CCDC149: variants seen among roughly 807,000 people sequenced by gnomAD.
CCDC149 encodes the protein coiled-coil domain-containing protein 149.
CCDC149 carries 45 observed loss-of-function variants against 59.9 expected under a neutral mutation model. That is an observed-to-expected ratio of 0.75 (90% CI 0.59 to 0.96). The LOEUF is 0.96. Among genes scored for constraint, CCDC149 ranks in the 40% least tolerant of loss-of-function variants. CCDC149 has a pLI of 0.00. For synonymous variants in CCDC149, 245 were observed against 260.6 expected (o/e 0.94, Z 0.58); for missense variants, 584 against 664.7 (o/e 0.88, Z 1.33).
chr4:24,835,819 A>C (rs900463104), intron 7 of CCDC149, among the ~76,000 whole-genome samples: 1 of 152,102 alleles, frequency 6.6e-6, no homozygotes, highest in Non-Finnish European at 1.5e-5. Flanking sequence ...TCAGGAAGAG[A>C]AATCAATCTA....
intron 1 of CCDC149, among the ~76,000 whole-genome samples, chr4:24,878,216 TAAAAA>T (rs66494953): frequency 2.4e-5 from 3 of 125,148 alleles, no homozygotes; most frequent in Non-Finnish European, 1.6e-5. Flanking sequence ...TTTTTTTTCC[TAAAAA>T]AAAAAAAAAA....
At chr4:24,904,362 AGTTATCTG>A (rs1461286172) in intron 1 of CCDC149, among the ~76,000 whole-genome samples, 1 of 152,154 alleles carries the variant, frequency 6.6e-6, no homozygotes, top group East Asian at 1.9e-4. Context: ...CCCCTAAATG[AGTTATCTG>A]GTTGTGGCTG....
At chr4:24,864,120 C>T (rs1474462682) in intron 3 of CCDC149, among the ~76,000 whole-genome samples, 5 of 152,144 alleles carry the variant, frequency 3.3e-5, no homozygotes, top group Non-Finnish European at 7.3e-5. Flanking sequence ...CGGCGTGGGC[C>T]GGGCTAACTT....
intron 1 of CCDC149, among the ~76,000 whole-genome samples, chr4:24,920,437 T>C (rs1722254019): frequency 6.6e-6 from 1 of 152,220 alleles, no homozygotes; most frequent in African/African-American, 2.4e-5. Flanking sequence ...GACAGCTTGG[T>C]TCCCAGTAGG....
chr4:24,889,954 G>T (rs557128209), intron 1 of CCDC149, among the ~76,000 whole-genome samples: 1 of 152,122 alleles, frequency 6.6e-6, no homozygotes, highest in African/African-American at 2.4e-5. Flanking sequence ...ACCTGTAATC[G>T]TGCTTCCACT....
chr4:24,840,670 G>A (rs1211034963), intron 4 of CCDC149, among the ~76,000 whole-genome samples: 3 of 152,102 alleles, frequency 2.0e-5, no homozygotes, highest in African/African-American at 7.2e-5. Flanking sequence ...CACGCATAGT[G>A]CCAAAGTGCT....
At chr4:24,917,976 TCTGA>T (rs1722181408), upstream of CCDC149, among the ~76,000 whole-genome samples, 1 of 151,752 alleles carries the variant, frequency 6.6e-6, no homozygotes, top group Admixed American at 6.6e-5. Flanking sequence ...AATAGAAACG[TCTGA>T]CTTGGGGGTC....
chr4:24,844,934 G>A (rs1180699658), intron 4 of CCDC149, among the ~76,000 whole-genome samples: 1 of 152,070 alleles, frequency 6.6e-6, no homozygotes, highest in Non-Finnish European at 1.5e-5. Flanking sequence ...AAGCACCCTT[G>A]GCAGGTATTG....
chr4:24,848,544 G>C (rs563675245), intron 4 of CCDC149, among the ~76,000 whole-genome samples: 10 of 151,740 alleles, frequency 6.6e-5, no homozygotes, highest in Non-Finnish European at 8.8e-5. Context: ...GCTCCAGCCT[G>C]GTGACAGAGT....
intron 1 of CCDC149, among the ~76,000 whole-genome samples, chr4:24,899,999 T>C (rs1721076001): frequency 6.6e-6 from 1 of 152,128 alleles, no homozygotes; most frequent in African/African-American, 2.4e-5. Flanking sequence ...ACATCTCCAT[T>C]TGCTGAAATT....
intron 1 of CCDC149, among the ~76,000 whole-genome samples, chr4:24,882,880 AAC>A (rs1719930294): frequency 6.6e-6 from 1 of 152,210 alleles, no homozygotes; most frequent in Non-Finnish European, 1.5e-5. Context: ...ACTAAAATCA[AAC>A]CTTTCTCCAA....
chr4:24,928,705 G>A (rs1419832686), intron 1 of CCDC149, among the ~76,000 whole-genome samples: 3 of 152,076 alleles, frequency 2.0e-5, no homozygotes, highest in Non-Finnish European at 2.9e-5. Context: ...GTTGTTTTCA[G>A]CCACTGAGTT....
chr4:24,885,545 C>A (rs2109270848), intron 1 of CCDC149, among the ~76,000 whole-genome samples: 1 of 152,344 alleles, frequency 6.6e-6, no homozygotes, highest in East Asian at 1.9e-4. Context: ...TCAGCCTCCG[C>A]CGTGACGGCT....
chr4:24,885,473 C>T (rs1245982005), intron 1 of CCDC149, among the ~76,000 whole-genome samples: 2 of 152,138 alleles, frequency 1.3e-5, no homozygotes, highest in African/African-American at 4.8e-5. Flanking sequence ...TCTGTGATCA[C>T]GGTGTCTAAT....
intron 4 of CCDC149, among the ~76,000 whole-genome samples, chr4:24,846,545 C>CTTT (rs1717300705): frequency 6.6e-6 from 1 of 152,198 alleles, no homozygotes; most frequent in Non-Finnish European, 1.5e-5. Flanking sequence ...CTTGCACACT[C>CTTT]ATTGGTCTGT....
intron 1 of CCDC149, among the ~76,000 whole-genome samples, chr4:24,959,167 T>G (rs28689025): frequency 0.75 from 114,668 of 151,950 alleles, 43,484 homozygotes; most frequent in African/African-American, 0.79. Flanking sequence ...GTGGAGATGG[T>G]GTTTCACCAT....
chr4:24,806,824 A>G lies in CCDC149; in HGVS notation c.*1565T>C, dbSNP rs1264342018. The G allele has an allele frequency of 6.5e-6, 1 of 153,348 alleles. No homozygotes were observed. Among genetic ancestry groups the G allele is most frequent in the Non-Finnish European group, 1.5e-5 (1 of 68,088 alleles). The allele number at this position is 153,348 out of a possible 1,614,324, so 9.5% of individuals were successfully genotyped here. A position where few individuals can be genotyped will look rare whatever the true frequency, so the allele number is the denominator to read the frequency against. On this transcript the variant is annotated 3_prime_UTR_variant, in exon 13 of 13. Transcript: ENST00000635206. ...ACTCCAGCATGCTCCCATTTCAACT[A>G]AAGTAGTGGGAGACCCACCCAATGT... is the stretch of plus-strand genomic sequence containing the variant.
chr4:24,948,176 C>T (rs931557496), intron 1 of CCDC149, among the ~76,000 whole-genome samples: 3 of 152,084 alleles, frequency 2.0e-5, no homozygotes, highest in Admixed American at 6.5e-5. Context: ...CTTAGAGAAG[C>T]GTGTGACTCT....
chr4:24,942,030 T>A (rs1182844260), intron 1 of CCDC149, among the ~76,000 whole-genome samples: 1 of 152,230 alleles, frequency 6.6e-6, no homozygotes, highest in African/African-American at 2.4e-5. Flanking sequence ...GAGGGAATGC[T>A]CCCTAACTCA....
Sources: allele counts gnomAD v4.1 joint callset (sites outside exome capture counted in the v4.1 genomes callset), GRCh38; gene constraint gnomAD v4.1.1; transcripts MANE v1.5; gene names NCBI Gene and HGNC (gene_info 2026-07-23, HGNC 2026-07-21).